Variants in SFPQ observed in about 807,000 individuals in gnomAD.
SFPQ encodes the protein splicing factor, proline- and glutamine-rich.
Under a neutral mutation model 72.9 loss-of-function variants are expected in SFPQ, and 11 were observed. That is an observed-to-expected ratio of 0.15 (90% CI 0.09 to 0.25). SFPQ has a LOEUF of 0.25. Ranked by LOEUF, SFPQ falls within the 10% of genes least tolerant of loss-of-function variation. The pLI, the probability that SFPQ is intolerant of heterozygous loss-of-function variation, is 1.00. For synonymous variants in SFPQ, 506 were observed against 367.3 expected (o/e 1.38, Z -4.32); for missense variants, 847 against 993.3 (o/e 0.85, Z 1.98).
downstream of SFPQ, chr1:35,180,127 CTCATAG>C (rs1639406080): frequency 9.5e-7 from 1 of 1,048,918 alleles, no homozygotes; most frequent in Non-Finnish European, 1.2e-6. Context: ...GAAGAAAAGT[CTCATAG>C]TCATGAAGTT....
intron 2 of SFPQ, 112 bp from the exon 3 acceptor site, chr1:35,191,107 T>C: frequency 9.8e-7 from 1 of 1,019,454 alleles, no homozygotes; most frequent in Non-Finnish European, 1.4e-6. Context: ...AGTTCGACCA[T>C]TACCTTTAGG....
intron 6 of SFPQ, among the ~76,000 whole-genome samples, chr1:35,188,491 T>C (rs750361939): frequency 3.3e-4 from 50 of 152,176 alleles, no homozygotes; most frequent in Admixed American, 3.9e-4. Flanking sequence ...CTAGGCAATA[T>C]AGGAAGACTC....
chr1:35,192,222 C>T lies in SFPQ; in HGVS notation c.828G>A (p.Glu276=), dbSNP rs1382715265. The T allele has an allele frequency of 6.9e-6, 10 of 1,456,596 alleles. No individual in the cohort carries two copies. Among genetic ancestry groups the T allele is most frequent in the Non-Finnish European group, 8.1e-6 (9 of 1,112,156 alleles). The allele number at this position is 1,456,596 out of a possible 1,614,324, so 90.2% of individuals were successfully genotyped here. The change falls in exon 1 of 10, where the codon GAG becomes GAA. Residue 276 remains glutamate, a splice_region_variant and synonymous_variant. Coordinates refer to ENST00000357214, the MANE Select transcript of SFPQ (RefSeq NM_005066.3). ...ACGCGTCGCTCCCATAGACACTCAC[C>T]TCCGAGTCCGAGATCTTCTCCTCGC... ...GRSEEKISDS[E]GFKANLSLLR...
intron 7 of SFPQ, 63 bp downstream of exon 7, chr1:35,187,910 C>T (rs1271074333): frequency 6.3e-6 from 6 of 949,558 alleles, no homozygotes; most frequent in Middle Eastern, 2.2e-4. Flanking sequence ...TCCTGTAATT[C>T]CTTCTAGGTA....
intron 6 of SFPQ, 100 bp downstream of exon 6, chr1:35,188,903 G>A (rs1639860106): frequency 1.5e-5 from 13 of 880,496 alleles, no homozygotes; most frequent in Non-Finnish European, 2.0e-5. Context: ...GGAGGTTGTG[G>A]TGAGCTGAGA....
At position 35,190,560 on chromosome 1, in the gene SFPQ, T is replaced by C. The variant is rs767098915; in HGVS notation, c.1353A>G (p.Glu451=). Residue 451 remains glutamate (E), a synonymous_variant, in exon 4 of 10, where the codon GAA becomes GAG. Transcript: ENST00000357214. ...TPRPVIVEPL[E]QLDDEDGLPE... ...GAAGACCATCTTCATCATCTAGTTG[T>C]TCAAGTGGTTCCACAATGACTGGAC... The C allele has an allele frequency of 6.2e-7, 1 of 1,614,004 alleles. No individual in the cohort carries two copies. The highest frequency in any genetic ancestry group is 1.1e-5 in the South Asian group (1 of 91,022).
In SFPQ at chr1:35,191,671, C is replaced by G. The variant is rs542227160; in HGVS notation, c.829-142G>C. 9.7e-4 allele frequency: 613 copies of G among 633,762 alleles called. 1 individual carries two copies. The highest frequency in any genetic ancestry group is 1.6e-3 in the Non-Finnish European group (574 of 368,746). 39.3% of individuals were successfully genotyped at this position (633,762 alleles called of 1,614,324 possible). ...ATCAAGGTTTTACTATGTGAGATTT[C>G]TAACATGAGCACTATCTTAACATTG... On this transcript the variant is annotated intron_variant, in intron 1 of 9. Transcript: ENST00000357214.
At chr1:35,192,160 G>GGGCGAGGAGGGGGCCGC (rs1343797067) in intron 1 of SFPQ, 62 bp downstream of exon 1, 2 of 1,259,170 alleles carry the variant, frequency 1.6e-6, no homozygotes, top group East Asian at 6.5e-5. Context: ...GCGGGGGCGG[G>GGGCGAGGAGGGGGCCGC]GGCGAGGAGG....
In SFPQ at chr1:35,190,733, G is replaced by A; in HGVS notation, c.1280C>T (p.Ala427Val). 1 of 1,614,208 alleles carries A rather than the reference G, an allele frequency of 6.2e-7. No individual in the cohort carries two copies. Among genetic ancestry groups the A allele is most frequent in the Non-Finnish European group, 8.5e-7 (1 of 1,180,046 alleles). ...AACACCTTCACTGCATCGTTCAAAT[G>A]CCTTTCTTGCTGCTGGCTTAGAAGC... The part of the protein sequence containing the change: ...EFASKPAARK[A>V]FERCSEGVFL... Residue 427 changes from alanine to valine, a missense_variant, in exon 3 of 10, where the codon GCA becomes GTA. This residue lies in a region of SFPQ where 132 missense variants were observed against 255.4 expected (regional missense o/e 0.52). Transcript: ENST00000357214.
intron 3 of SFPQ, 34 bp downstream of exon 3, chr1:35,190,660 G>A (rs779856505): frequency 4.4e-6 from 7 of 1,609,120 alleles, no homozygotes; most frequent in East Asian, 4.5e-5. Context: ...CATATAAGTT[G>A]ATAGAAATTA....
In SFPQ at chr1:35,192,846, C is replaced by T; in HGVS notation, c.204G>A (p.Gln68=). The change falls in exon 1 of 10, where the codon CAG becomes CAA. Residue 68 remains glutamine, a synonymous_variant. Transcript: ENST00000357214. ...PPIPPPPPHQ[Q]QQQPPPQQPP... is the part of the protein sequence containing the mutation. ...GCTGCTGCGGTGGTGGCTGTTGCTG[C>T]TGTTGGTGTGGAGGCGGTGGCGGGA... The T allele has an allele frequency of 6.5e-7, 1 of 1,530,476 alleles. No homozygotes were observed. The allele number at this position is 1,530,476 out of a possible 1,614,324, so 94.8% of individuals were successfully genotyped here.
chr1:35,179,037 C>G (rs1639362182), downstream of SFPQ: 3 of 1,058,976 alleles, frequency 2.8e-6, no homozygotes, highest in Non-Finnish European at 3.4e-6. Flanking sequence ...TAGGAGCAGT[C>G]AAATCCTCTG....
At chr1:35,179,294 A>G, downstream of SFPQ, 4 of 1,059,594 alleles carry the variant, frequency 3.8e-6, no homozygotes, top group East Asian at 5.2e-5. Flanking sequence ...AGTCACACGC[A>G]TCTCTTTATT....
At position 35,192,620 on chromosome 1, in the gene SFPQ, C is replaced by G; in HGVS notation, c.430G>C (p.Gly144Arg). The stretch of plus-strand genomic sequence containing the variant: ...GTCGGAGTCGGGCCTGGCCCGGACC[C>G]TGGCGGGGCCCCCGAGGTTGGTGGA... Reference protein sequence around the residue: ...ATPPTSGAPPGSGPGPTPTPP... With the variant: ...ATPPTSGAPPRSGPGPTPTPP... The change falls in exon 1 of 10, where the codon GGG becomes CGG. Residue 144 changes from glycine to arginine, a missense_variant. Around this residue, in one of 6 missense-constraint regions of SFPQ, gnomAD observed 498 missense variants for 405.1 expected, o/e 1.23. Coordinates refer to ENST00000357214, the MANE Select transcript of SFPQ (RefSeq NM_005066.3). 1 of 1,370,284 alleles carries G rather than the reference C, an allele frequency of 7.3e-7. No individual in the cohort carries two copies. The highest frequency in any genetic ancestry group is 9.3e-7 in the Non-Finnish European group (1 of 1,070,310). The allele number at this position is 1,370,284 out of a possible 1,614,324, so 84.9% of individuals were successfully genotyped here.
intron 9 of SFPQ, 54 bp downstream of exon 9, chr1:35,186,947 C>T (rs1639748755): frequency 5.1e-6 from 8 of 1,562,002 alleles, no homozygotes; most frequent in Admixed American, 1.9e-5. Context: ...ACAAACACAC[C>T]TAAGTTGTGA....
Position 35,192,291 on chromosome 1 carries a change from C to G in SFPQ, c.759G>C (p.Gln253His). 2 of 1,461,426 alleles carry G rather than the reference C, an allele frequency of 1.4e-6. No individual in the cohort carries two copies. The highest frequency in any genetic ancestry group is 1.8e-6 in the Non-Finnish European group (2 of 1,114,978). The allele number at this position is 1,461,426 out of a possible 1,614,324, so 90.5% of individuals were successfully genotyped here. The change falls in exon 1 of 10, where the codon CAG (glutamine) becomes CAC (histidine). Residue 253 changes from glutamine (Q) to histidine (H), a missense_variant. Transcript: ENST00000357214. Reference sequence around the variant, plus strand: ...CGGGCGGGGGCCCCTGGTGATGCTGCTGGTGGTAGGGCGGGTGGTGCTGGC... The same window carrying G: ...CGGGCGGGGGCCCCTGGTGATGCTGGTGGTGGTAGGGCGGGTGGTGCTGGC... ...GGRQHHPPYH[Q>H]QHHQGPPPGG...
rs993053618 is a variant in SFPQ, at chr1:35,189,780, C to G, written c.1416-398G>C. On this transcript the variant is annotated intron_variant, in intron 4 of 9. Coordinates refer to ENST00000357214, the MANE Select transcript of SFPQ (RefSeq NM_005066.3). Reference sequence around the variant, plus strand: ...TCTGGCCAACATGATGAAACCCCGTCTCCACTAAATATACAAAAAATTAGC... The same window carrying G: ...TCTGGCCAACATGATGAAACCCCGTGTCCACTAAATATACAAAAAATTAGC... 2.6e-5 allele frequency among the ~76,000 whole-genome samples: 4 copies of G among 152,034 alleles called. No individual in the cohort carries two copies. The East Asian group carries it at 7.7e-4, about 29-fold the overall frequency.
In SFPQ at chr1:35,192,950, G is replaced by C. The variant is rs1163388627; in HGVS notation, c.100C>G (p.Pro34Ala). The change falls in exon 1 of 10, where the codon CCG becomes GCG. Residue 34 changes from proline to alanine, a missense_variant. This residue lies in a region of SFPQ where 498 missense variants were observed against 405.1 expected (regional missense o/e 1.23). Coordinates refer to ENST00000357214, the MANE Select transcript of SFPQ (RefSeq NM_005066.3). ...TGATTGAGGCCCATGCCGGGCGGCG[G>C]AGAACGGAAGTCGTGGAGGCCGCCG... ...GRGGLHDFRS[P>A]PPGMGLNQNR... 1 of 1,586,258 alleles carries C rather than the reference G, an allele frequency of 6.3e-7. No individual in the cohort carries two copies. Among genetic ancestry groups the C allele is most frequent in the African/African-American group, 1.3e-5 (1 of 74,532 alleles).
chr1:35,181,498 A>G (rs16837217), downstream of SFPQ: 17,183 of 1,063,406 alleles, frequency 0.016, 428 homozygotes, highest in East Asian at 0.098. Context: ...AGTACTTCTT[A>G]TGAGTTTAAT....
Sources: allele counts gnomAD v4.1 joint callset (sites outside exome capture counted in the v4.1 genomes callset), GRCh38; gene constraint gnomAD v4.1.1; regional missense constraint gnomAD v4.1.1; transcripts MANE v1.5; gene names NCBI Gene and HGNC (gene_info 2026-07-23, HGNC 2026-07-21).